DAB1: variants seen among roughly 807,000 people sequenced by gnomAD.
DAB1 encodes DAB adaptor protein 1.
A neutral mutation model predicts 64.6 loss-of-function variants in DAB1; 15 were observed. The ratio of observed to expected loss-of-function variants is 0.23; its 90% confidence interval spans 0.16 to 0.36. DAB1 has a LOEUF of 0.36. Ranked by LOEUF, DAB1 falls within the 10% of genes least tolerant of loss-of-function variation. The probability of loss-of-function intolerance (pLI) is 1.00; values close to 1 mark genes in which losing one functional copy is unlikely to be tolerated. For missense variants in DAB1, 596 were observed against 706.7 expected (o/e 0.84, Z 1.78); for synonymous variants, 235 against 251.9 (o/e 0.93, Z 0.64).
intron 1 of DAB1, among the ~76,000 whole-genome samples, chr1:57,829,951 G>A (rs148598835): frequency 6.6e-6 from 1 of 152,316 alleles, no homozygotes; most frequent in Non-Finnish European, 1.5e-5. Flanking sequence ...TCACATTACA[G>A]GTTGGAAGAC....
Position 58,465,458 on chromosome 1 carries a change from G to A in DAB1, n.257+40602C>T, listed in dbSNP as rs1190569276. On this transcript the variant is annotated intron_variant and non_coding_transcript_variant, in intron 3 of 20. Coordinates refer to the DAB1 transcript ENST00000485760. Reference sequence around the variant, plus strand: ...TGCAAGAAATGACAACAACAACGACGACAAAATGTGCAACCAATCACTGTA... The same window carrying A: ...TGCAAGAAATGACAACAACAACGACAACAAAATGTGCAACCAATCACTGTA... 2.6e-5 allele frequency among the ~76,000 whole-genome samples: 4 copies of A among 152,176 alleles called. No homozygotes were observed. In the South Asian group the frequency reaches 6.2e-4, roughly 24 times the overall value.
intron 1 of DAB1, among the ~76,000 whole-genome samples, chr1:58,536,074 T>C (rs1216770118): frequency 6.6e-6 from 1 of 152,186 alleles, no homozygotes; most frequent in African/African-American, 2.4e-5. Context: ...ATAATTATGT[T>C]ACTCTCATGA....
At chr1:57,218,973 G>A (rs1295030427) in intron 2 of DAB1, among the ~76,000 whole-genome samples, 3 of 152,166 alleles carry the variant, frequency 2.0e-5, no homozygotes, top group African/African-American at 4.8e-5. Flanking sequence ...AGCTTTGGAA[G>A]CTGGGTAAAG....
chr1:58,236,408 TCGGAAAGA>T (rs1660044596), intron 4 of DAB1, among the ~76,000 whole-genome samples: 1 of 151,872 alleles, frequency 6.6e-6, no homozygotes, highest in Non-Finnish European at 1.5e-5. Context: ...CGAGTGTCGA[TCGGAAAGA>T]CGCATGGGGG....
chr1:58,014,215 T>C (rs1490487098), intron 5 of DAB1, among the ~76,000 whole-genome samples: 1 of 152,220 alleles, frequency 6.6e-6, no homozygotes, highest in Non-Finnish European at 1.5e-5. Context: ...TCAATGTTCA[T>C]ATTATTTCTA....
chr1:58,171,035 C>A (rs761402970), intron 4 of DAB1, among the ~76,000 whole-genome samples: 1 of 152,220 alleles, frequency 6.6e-6, no homozygotes, highest in Non-Finnish European at 1.5e-5. Context: ...TTTCTCCCAC[C>A]TCCTCGGTTG....
intron 7 of DAB1, among the ~76,000 whole-genome samples, chr1:57,622,172 G>C (rs938909200): frequency 2.6e-5 from 4 of 152,150 alleles, no homozygotes; most frequent in African/African-American, 9.7e-5. Context: ...ATACCCTTTG[G>C]GGGTGTTAAC....
At chr1:57,253,939 A>C (rs933005032) in intron 2 of DAB1, among the ~76,000 whole-genome samples, 13 of 152,232 alleles carry the variant, frequency 8.5e-5, no homozygotes, top group African/African-American at 2.9e-4. Context: ...GGGAGGGGAA[A>C]GAAAGCCTTT....
At chr1:58,084,591 G>A (rs1327528071) in intron 5 of DAB1, 2 of 163,896 alleles carry the variant, frequency 1.2e-5, no homozygotes, top group East Asian at 3.0e-4. Flanking sequence ...AGTATGTGCG[G>A]TGGTAAGGGA....
chr1:58,405,823 T>C (rs989652659), intron 3 of DAB1, among the ~76,000 whole-genome samples: 3 of 152,204 alleles, frequency 2.0e-5, no homozygotes, highest in African/African-American at 7.2e-5. Context: ...TGGAGGAGAC[T>C]TGCCTCATTT....
intron 2 of DAB1, among the ~76,000 whole-genome samples, chr1:58,524,888 G>A (rs1298860599): frequency 6.6e-6 from 1 of 152,200 alleles, no homozygotes; most frequent in Admixed American, 6.5e-5. Flanking sequence ...TTACTGGAGA[G>A]AAAGCTGCTC....
intron 6 of DAB1, among the ~76,000 whole-genome samples, chr1:57,768,109 C>T (rs1649396828): frequency 7.0e-6 from 1 of 143,418 alleles, no homozygotes; most frequent in South Asian, 2.2e-4. Context: ...CCTGGGATAC[C>T]GAGGTTGCAG....
chr1:57,795,043 T>C (rs1240918569), intron 6 of DAB1, among the ~76,000 whole-genome samples: 1 of 152,210 alleles, frequency 6.6e-6, no homozygotes, highest in East Asian at 1.9e-4. Context: ...TAATGGTCAA[T>C]GGAATGACCC....
At chr1:57,780,493 C>T (rs536245401) in intron 6 of DAB1, among the ~76,000 whole-genome samples, 1 of 152,200 alleles carries the variant, frequency 6.6e-6, no homozygotes, top group South Asian at 2.1e-4. Flanking sequence ...CTTTACTCTG[C>T]ACTCAAATAA....
chr1:57,228,829 G>C (rs932621920), intron 2 of DAB1, among the ~76,000 whole-genome samples: 3 of 151,914 alleles, frequency 2.0e-5, no homozygotes, highest in Admixed American at 2.0e-4. Context: ...CTAAAGTCTC[G>C]TAAACAGAAG....
chr1:57,520,619 C>T (rs1268610504), intron 7 of DAB1, among the ~76,000 whole-genome samples: 2 of 152,046 alleles, frequency 1.3e-5, no homozygotes, highest in African/African-American at 4.8e-5. Context: ...TGTTATACTG[C>T]TATCAATTGG....
intron 9 of DAB1, among the ~76,000 whole-genome samples, chr1:57,028,880 G>C (rs984297761): frequency 1.3e-5 from 2 of 152,118 alleles, no homozygotes; most frequent in African/African-American, 2.4e-5. Context: ...AAGGGAAGCA[G>C]AGCATAAAAG....
chr1:58,527,320 G>A (rs1646367808), exon 2 of DAB1: 1 of 871,818 alleles, frequency 1.1e-6, no homozygotes. Context: ...CTGCTGTATG[G>A]TCTATTAAAC....
chr1:57,614,153 A>C (rs1645761484), intron 7 of DAB1, among the ~76,000 whole-genome samples: 1 of 152,210 alleles, frequency 6.6e-6, no homozygotes, highest in Non-Finnish European at 1.5e-5. Context: ...TGTGGAAATG[A>C]GGGCCCTGGT....
Sources: allele counts gnomAD v4.1 joint callset (sites outside exome capture counted in the v4.1 genomes callset), GRCh38; gene constraint gnomAD v4.1.1; transcripts MANE v1.5; gene names NCBI Gene and HGNC (gene_info 2026-07-23, HGNC 2026-07-21).